Variants in SLC24A4 observed in about 807,000 individuals in gnomAD.
SLC24A4 encodes the protein solute carrier family 24 member 4, also known as sodium/potassium/calcium exchanger 4.
Under a neutral mutation model 79.0 loss-of-function variants are expected in SLC24A4, and 53 were observed. That is an observed-to-expected ratio of 0.67 (90% confidence interval 0.54 to 0.84). The LOEUF (loss-of-function observed/expected upper bound fraction) is 0.84, where lower values mean the gene tolerates loss of function less well. SLC24A4 is among the 40% of genes least tolerant of loss of function. The pLI, the probability that SLC24A4 is intolerant of heterozygous loss-of-function variation, is 0.00. For synonymous variants in SLC24A4, 323 were observed against 323.8 expected, an observed-to-expected ratio of 1.00 and a Z score of 0.03; for missense variants, 731 against 822.0, an observed-to-expected ratio of 0.89 and a Z score of 1.35.
intron 2 of SLC24A4, among the ~76,000 whole-genome samples, chr14:92,379,563 C>T (rs1395807369): frequency 6.6e-6 from 1 of 152,114 alleles, no homozygotes; most frequent in East Asian, 1.9e-4. Context: ...CTGCCCCCTC[C>T]TCCTCTCTGG....
chr14:92,355,623 G>A (rs946273182), intron 2 of SLC24A4, among the ~76,000 whole-genome samples: 1 of 152,186 alleles, frequency 6.6e-6, no homozygotes, highest in Admixed American at 6.5e-5. Context: ...GTCTGGGGAC[G>A]AGCAAAGGAC....
rs777541601 is a variant in SLC24A4, at chr14:92,456,484, G to T, written c.1131G>T (p.Gly377=). ...QNGRHENIEN[G]NVPVENPEDP... ...GGAGGCACGAGAACATTGAGAACGG[G>T]AATGTTCCTGTGGAAAACCCCGAAG... is the stretch of plus-strand genomic sequence containing the variant. The change falls in exon 12 of 17, where the codon GGG becomes GGT. Residue 377 remains glycine, a synonymous_variant. Transcript: ENST00000532405. The T allele has an allele frequency of 3.1e-6, 5 of 1,614,098 alleles. No individual in the cohort carries two copies. The highest frequency in any genetic ancestry group is 2.2e-5 in the South Asian group (2 of 91,086).
intron 2 of SLC24A4, among the ~76,000 whole-genome samples, chr14:92,366,828 G>A (rs1887869664): frequency 6.6e-6 from 1 of 152,174 alleles, no homozygotes; most frequent in Admixed American, 6.5e-5. Context: ...AACAACCCTG[G>A]AATAGGCGGG....
intron 12 of SLC24A4, among the ~76,000 whole-genome samples, chr14:92,475,191 A>G (rs753148270): frequency 1.3e-5 from 2 of 152,186 alleles, no homozygotes; most frequent in Non-Finnish European, 2.9e-5. Context: ...CTGATGAGCT[A>G]GTAAACTGGA....
chr14:92,488,148 T>G (rs1311053013), intron 14 of SLC24A4, among the ~76,000 whole-genome samples: 2 of 151,124 alleles, frequency 1.3e-5, no homozygotes, highest in African/African-American at 2.4e-5. Context: ...CTCGGCTTAC[T>G]GCAGCCTCTG....
intron 2 of SLC24A4, among the ~76,000 whole-genome samples, chr14:92,340,170 A>G (rs968804326): frequency 3.3e-5 from 5 of 152,230 alleles, no homozygotes; most frequent in African/African-American, 9.6e-5. Context: ...CTTATATTGT[A>G]TATTCTGTGT....
chr14:92,431,492 G>T (rs959675195), intron 2 of SLC24A4, among the ~76,000 whole-genome samples: 12 of 152,152 alleles, frequency 7.9e-5, no homozygotes, highest in African/African-American at 2.7e-4. Flanking sequence ...CAGGGTCCTG[G>T]TCTATACCCA....
At chr14:92,390,955 CT>C (rs1440578254) in intron 2 of SLC24A4, among the ~76,000 whole-genome samples, 2 of 152,200 alleles carry the variant, frequency 1.3e-5, no homozygotes, top group African/African-American at 4.8e-5. Flanking sequence ...GATCCAGGCT[CT>C]TTCCATCTTG....
In SLC24A4 at chr14:92,442,073, G is replaced by T. The variant is rs753199149; in HGVS notation, c.394-16G>T. ...CCACGTCACACCCTGAGGGTCTGTG[G>T]TCACTTCCGTTTCAGAGACTCCATC... On this transcript the variant is annotated splice_polypyrimidine_tract_variant and intron_variant, in intron 4 of 16. Coordinates refer to ENST00000532405, the MANE Select transcript of SLC24A4 (RefSeq NM_153646.4). 1 of 1,610,578 alleles carries T rather than the reference G, an allele frequency of 6.2e-7. No individual in the cohort carries two copies. Among genetic ancestry groups the T allele is most frequent in the East Asian group, 2.2e-5 (1 of 44,840 alleles).
intron 2 of SLC24A4, among the ~76,000 whole-genome samples, chr14:92,397,354 C>T (rs1409320044): frequency 6.6e-6 from 1 of 152,172 alleles, no homozygotes; most frequent in Non-Finnish European, 1.5e-5. Context: ...TGTGGAGCGA[C>T]CATCTGTGAC....
In SLC24A4 at chr14:92,493,610, G is replaced by A. The variant is rs982263808; in HGVS notation, c.1851G>A (p.Met617Ile). ...FNVFTFVNLP[M>I]CREDD is the part of the protein sequence containing the mutation. ...TCTTTACCTTCGTCAACTTGCCGAT[G>A]TGCCGGGAAGACGATTAGCGCTGAG... The change falls in exon 17 of 17, where the codon ATG becomes ATA. Residue 617 changes from methionine (M) to isoleucine (I), a missense_variant. Coordinates refer to ENST00000532405, the MANE Select transcript of SLC24A4 (RefSeq NM_153646.4). 6.2e-7 allele frequency: 1 copy of A among 1,614,194 alleles called. No individual in the cohort carries two copies. Among genetic ancestry groups the A allele is most frequent in the Non-Finnish European group, 8.5e-7 (1 of 1,180,032 alleles).
intron 6 of SLC24A4, 80 bp from the exon 7 acceptor site, chr14:92,443,320 C>A: frequency 7.4e-7 from 1 of 1,354,314 alleles, no homozygotes; most frequent in Non-Finnish European, 1.0e-6. Flanking sequence ...CCCTGCACTG[C>A]GGGGGGAGGA....
At chr14:92,444,926 C>CACAT (rs1892705609) in intron 7 of SLC24A4, among the ~76,000 whole-genome samples, 1 of 73,322 alleles carries the variant, frequency 1.4e-5, no homozygotes. Context: ...CCTATATACA[C>CACAT]ACACATACAC....
chr14:92,357,935 G>A (rs373205115), intron 2 of SLC24A4, among the ~76,000 whole-genome samples: 1 of 152,196 alleles, frequency 6.6e-6, no homozygotes, highest in African/African-American at 2.4e-5. Context: ...ACTGCCTTTG[G>A]TGGGATGAAA....
At chr14:92,346,025 A>G (rs139419105) in intron 2 of SLC24A4, among the ~76,000 whole-genome samples, 27 of 152,146 alleles carry the variant, frequency 1.8e-4, no homozygotes, top group Non-Finnish European at 2.8e-4. Context: ...AGTGGACAGG[A>G]CCACTCAGGG....
intron 3 of SLC24A4, 37 bp from the exon 4 acceptor site, chr14:92,439,298 C>T: frequency 6.3e-7 from 1 of 1,578,180 alleles, no homozygotes. Context: ...CAGCAGGGAC[C>T]CTCACCGACC....
At chr14:92,440,425 G>A (rs930673034) in intron 4 of SLC24A4, among the ~76,000 whole-genome samples, 6 of 152,134 alleles carry the variant, frequency 3.9e-5, no homozygotes, top group South Asian at 2.1e-4. Flanking sequence ...CAGCGATGGC[G>A]GTTATTAAGT....
chr14:92,324,091 C>T, intron 1 of SLC24A4, 131 bp downstream of exon 1: 2 of 1,280,152 alleles, frequency 1.6e-6, no homozygotes, highest in Non-Finnish European at 2.1e-6. Flanking sequence ...AGTCCCCTCC[C>T]CGCCGGGCAG....
chr14:92,403,248 T>C (rs1025849091), intron 2 of SLC24A4, among the ~76,000 whole-genome samples: 1 of 152,080 alleles, frequency 6.6e-6, no homozygotes, highest in African/African-American at 2.4e-5. Flanking sequence ...ACAGCCTACC[T>C]TCTTGGCCAT....
Sources: allele counts gnomAD v4.1 joint callset (sites outside exome capture counted in the v4.1 genomes callset), GRCh38; gene constraint gnomAD v4.1.1; transcripts MANE v1.5; gene names NCBI Gene and HGNC (gene_info 2026-07-23, HGNC 2026-07-21).